XNDC1N: variants seen among roughly 807,000 people sequenced by gnomAD.
The protein encoded by XNDC1N is protein XNDC1N.
At chr11:71,891,138 C>A in the XNDC1N span, among the ~76,000 whole-genome samples, 1 of 151,986 alleles carries the variant, frequency 6.6e-6, no homozygotes, top group South Asian at 2.1e-4. Flanking sequence ...GAGGGGTGTA[C>A]ACCCTCTGCG....
the XNDC1N span, among the ~76,000 whole-genome samples, chr11:71,888,875 C>A: frequency 7.2e-5 from 11 of 152,356 alleles, no homozygotes; most frequent in African/African-American, 2.4e-4. Context: ...CGCCACCTTG[C>A]TCCCGGTATC....
chr11:71,899,032 G>A, the XNDC1N span, among the ~76,000 whole-genome samples: 22 of 152,316 alleles, frequency 1.4e-4, no homozygotes, highest in African/African-American at 4.6e-4. Flanking sequence ...TAGAGGAAGA[G>A]CCCCAAATCT....
At chr11:71,912,207 G>A in the XNDC1N span, among the ~76,000 whole-genome samples, 23 of 152,188 alleles carry the variant, frequency 1.5e-4, no homozygotes, top group African/African-American at 5.1e-4. Context: ...CCCGGCATAC[G>A]AGCTTATGGA....
At chr11:71,917,519 C>T in the XNDC1N span, 1 of 702,304 alleles carries the variant, frequency 1.4e-6, no homozygotes, top group Non-Finnish European at 2.6e-6. Context: ...CACAGGCTCC[C>T]TCCCACAGTC....
chr11:71,906,263 T>C, the XNDC1N span, among the ~76,000 whole-genome samples: 2 of 149,750 alleles, frequency 1.3e-5, no homozygotes, highest in Admixed American at 6.7e-5. Flanking sequence ...TTCTGTGACA[T>C]TAGGAGTATA....
At chr11:71,921,936 C>T in the XNDC1N span, among the ~76,000 whole-genome samples, 2 of 152,030 alleles carry the variant, frequency 1.3e-5, no homozygotes, top group East Asian at 3.9e-4. Context: ...CCAAGGCAGG[C>T]GGATCATGAG....
chr11:71,917,733 A>G, the XNDC1N span: 1 of 703,270 alleles, frequency 1.4e-6, no homozygotes, highest in South Asian at 1.5e-5. Flanking sequence ...GGGGCCAGGA[A>G]GAATGGCCCA....
the XNDC1N span, among the ~76,000 whole-genome samples, chr11:71,869,101 C>T: frequency 2.4e-3 from 360 of 152,028 alleles, no homozygotes; most frequent in Middle Eastern, 6.8e-3. Context: ...GTGCACAATG[C>T]GCAGGTTTGT....
chr11:71,903,911 C>A, the XNDC1N span: 12 of 439,420 alleles, frequency 2.7e-5, no homozygotes, highest in Non-Finnish European at 5.1e-5. Flanking sequence ...ACCTTCACCA[C>A]CTGTGGGTCT....
At chr11:71,874,461 G>T in the XNDC1N span, among the ~76,000 whole-genome samples, 5 of 152,176 alleles carry the variant, frequency 3.3e-5, no homozygotes, top group Non-Finnish European at 2.9e-5. Context: ...AAACAACTAG[G>T]TACATGAGCC....
chr11:71,927,657 G>C, the XNDC1N span: 74 of 152,302 alleles, frequency 4.9e-4, 1 homozygote, highest in African/African-American at 1.8e-3. Context: ...GTTGCTTCTG[G>C]AGAGGATGAG....
At chr11:71,904,163 G>A in the XNDC1N span, 1 of 441,490 alleles carries the variant, frequency 2.3e-6, no homozygotes, top group Non-Finnish European at 4.6e-6. Flanking sequence ...TTTGTAGGAT[G>A]GGTTAAAAAA....
the XNDC1N span, among the ~76,000 whole-genome samples, chr11:71,889,366 G>A: frequency 8.5e-5 from 13 of 152,228 alleles, no homozygotes; most frequent in African/African-American, 1.2e-4. Flanking sequence ...CTGGGTTTGC[G>A]GAATTCCCGC....
the XNDC1N span, among the ~76,000 whole-genome samples, chr11:71,876,058 C>T: frequency 6.6e-6 from 1 of 151,960 alleles, no homozygotes; most frequent in Non-Finnish European, 1.5e-5. Flanking sequence ...AGAAAACCGG[C>T]ATCAACAAGA....
chr11:71,881,623 C>T, the XNDC1N span, among the ~76,000 whole-genome samples: 22 of 151,574 alleles, frequency 1.5e-4, no homozygotes, highest in African/African-American at 4.9e-4. Flanking sequence ...CTCATTTTAG[C>T]TTTATCAGTC....
At chr11:71,913,717 G>C in the XNDC1N span, among the ~76,000 whole-genome samples, 8,342 of 150,780 alleles carry the variant, frequency 0.055, 269 homozygotes, top group African/African-American at 0.1. Flanking sequence ...CCATCTAGGA[G>C]TTTCATAGCT....
the XNDC1N span, among the ~76,000 whole-genome samples, chr11:71,915,565 A>G: frequency 6.6e-6 from 1 of 152,240 alleles, no homozygotes; most frequent in South Asian, 2.1e-4. Context: ...ATGATCTGGA[A>G]CCAAACCTGG....
chr11:71,880,338 G>C, the XNDC1N span, among the ~76,000 whole-genome samples: 6 of 152,052 alleles, frequency 3.9e-5, no homozygotes, highest in Non-Finnish European at 7.4e-5. Flanking sequence ...ATGATCCATT[G>C]TGTTTCTTTT....
the XNDC1N span, among the ~76,000 whole-genome samples, chr11:71,870,872 A>C: frequency 6.6e-6 from 1 of 152,210 alleles, no homozygotes. Context: ...TACAGAAAAG[A>C]GGAAATGTAA....
Sources: allele counts gnomAD v4.1 joint callset (sites outside exome capture counted in the v4.1 genomes callset), GRCh38; gene constraint gnomAD v4.1.1; transcripts MANE v1.5; gene names NCBI Gene and HGNC (gene_info 2026-07-23, HGNC 2026-07-21).